ABCA7: variants seen among roughly 807,000 people sequenced by gnomAD.
ABCA7 encodes phospholipid-transporting ATPase ABCA7.
A neutral mutation model predicts 227.6 loss-of-function variants in ABCA7; 261 were observed. The observed-to-expected ratio is 1.15, with a 90% CI of 1.04 to 1.27. The LOEUF (loss-of-function observed/expected upper bound fraction) is 1.27, where lower values mean the gene tolerates loss of function less well. Ranked by LOEUF, ABCA7 falls within the 50% of genes most tolerant of loss-of-function variation. The pLI is 0.00. For missense variants in ABCA7, 3,331 were observed against 2,924.5 expected, an observed-to-expected ratio of 1.14 and a Z score of -3.21; for synonymous variants, 1,488 against 1,279.7, an observed-to-expected ratio of 1.16 and a Z score of -3.47.
Position 1,052,044 on chromosome 19 carries a change from C to T in ABCA7, c.3065C>T (p.Pro1022Leu). 1 of 1,612,330 alleles carries T rather than the reference C, an allele frequency of 6.2e-7. No individual in the cohort carries two copies. ...GGCCGCTTGTGCTGCTGTGGCTCCC[C>T]ACTCTTCCTGCGCCGTCACCTGGGC... ...AGGRLCCCGS[P>L]LFLRRHLGSG... The change falls in exon 22 of 47, where the codon CCA becomes CTA. Residue 1022 changes from proline (P) to leucine (L), a missense_variant. Coordinates refer to ENST00000263094, the MANE Select transcript of ABCA7 (RefSeq NM_019112.4).
Position 1,057,423 on chromosome 19 carries a change from T to C in ABCA7, c.4874T>C (p.Leu1625Pro). 2 of 1,613,700 alleles carry C rather than the reference T, an allele frequency of 1.2e-6. No individual in the cohort carries two copies. Among genetic ancestry groups the C allele is most frequent in the East Asian group, 4.5e-5 (2 of 44,876 alleles). The part of the protein sequence containing the change: ...NLPALLLLLL[L>P]YGWSITPLMY... ...CCTGCTCTCCTGCTGTTGCTACTAC[T>C]GTATGGGTGAGGCCCCCAGTCCCTC... Residue 1625 changes from leucine to proline, a missense_variant, in exon 35 of 47, where the codon CTG becomes CCG. Leu to Pro is a moderately conservative substitution (Grantham distance 98, BLOSUM62 -3). Transcript: ENST00000263094.
intron 7 of ABCA7, 91 bp from the exon 8 acceptor site, chr19:1,042,950 G>T: frequency 6.6e-7 from 1 of 1,515,700 alleles, no homozygotes; most frequent in Non-Finnish European, 8.9e-7. Context: ...TAGACAGCGA[G>T]AGGGAGAGGC....
intron 46 of ABCA7, 29 bp downstream of exon 46, chr19:1,065,200 G>C: frequency 6.3e-7 from 1 of 1,596,682 alleles, no homozygotes. Flanking sequence ...TCGGGCTGGG[G>C]GAGGCAGGCT....
Position 1,046,825 on chromosome 19 carries a change from C to T in ABCA7, c.1646C>T (p.Ser549Leu), listed in dbSNP as rs755052808. ...AGGTTCCTGCGTGTGCTGAGCCGGTCGCTGCCGCTCTTCCTGACGCTGGCC... is the reference window on the plus strand; with the variant it reads ...AGGTTCCTGCGTGTGCTGAGCCGGTTGCTGCCGCTCTTCCTGACGCTGGCC... ...DDVFLRVLSR[S>L]LPLFLTLAWI... Residue 549 changes from serine (S) to leucine (L), a missense_variant, in exon 14 of 47, where the codon TCG becomes TTG. Ser to Leu is a moderately radical substitution (Grantham distance 145). Coordinates refer to ENST00000263094, the MANE Select transcript of ABCA7 (RefSeq NM_019112.4). 1 of 1,538,940 alleles carries T rather than the reference C, an allele frequency of 6.5e-7. No individual in the cohort carries two copies. Among genetic ancestry groups the T allele is most frequent in the East Asian group, 2.4e-5 (1 of 41,164 alleles).
intron 21 of ABCA7, 109 bp from the exon 22 acceptor site, chr19:1,051,833 G>A (rs2041660103): frequency 2.1e-6 from 3 of 1,422,414 alleles, no homozygotes; most frequent in Admixed American, 1.9e-5. Context: ...AGGTTTTGAG[G>A]GATGAATAGG....
At chr19:1,048,496 C>CAAAAAAAAAAA (rs1234415864) in intron 16 of ABCA7, among the ~76,000 whole-genome samples, 4 of 21,624 alleles carry the variant, frequency 1.8e-4, no homozygotes, top group African/African-American at 5.6e-4. Flanking sequence ...AACTCAGTCT[C>CAAAAAAAAAAA]AAAAAAAAAA....
intron 10 of ABCA7, among the ~76,000 whole-genome samples, chr19:1,044,238 C>CTTT (rs4147941): frequency 0.019 from 1,324 of 69,686 alleles, 133 homozygotes; most frequent in African/African-American, 0.084. Context: ...CCACGTCCTG[C>CTTT]TTTTTTTTTT....
chr19:1,051,706 G>C (rs2041646862), intron 21 of ABCA7, 120 bp downstream of exon 21: 4 of 1,086,732 alleles, frequency 3.7e-6, no homozygotes, highest in Non-Finnish European at 5.2e-6. Flanking sequence ...TGTTGCTATG[G>C]CATTTAGGGG....
At chr19:1,042,293 C>A in intron 5 of ABCA7, 22 bp from the exon 6 acceptor site, 1 of 1,572,392 alleles carries the variant, frequency 6.4e-7, no homozygotes. Context: ...CAGCCCCATG[C>A]TCCCGTGCGC....
chr19:1,045,355 T>C (rs1449981608), intron 12 of ABCA7, 124 bp downstream of exon 12: 1 of 1,022,834 alleles, frequency 9.8e-7, no homozygotes. Context: ...GTATCAACAG[T>C]GGTATGGTAG....
intron 13 of ABCA7, 101 bp downstream of exon 13, chr19:1,046,507 G>T: frequency 6.8e-7 from 1 of 1,466,592 alleles, no homozygotes; most frequent in Non-Finnish European, 9.1e-7. Context: ...GGTCCAGGCT[G>T]CGAACTTTGC....
Position 1,056,513 on chromosome 19 carries a change from C to T in ABCA7, c.4586+14C>T, listed in dbSNP as rs2042266278. 6.2e-7 allele frequency: 1 copy of T among 1,605,616 alleles called. No individual in the cohort carries two copies. The highest frequency in any genetic ancestry group is 1.3e-5 in the African/African-American group (1 of 74,696). ...TGAGGGTGCACTGTGAGTCCCTCCA[C>T]CCTGCATGTCCTACCCTGCACGTCC... is the stretch of plus-strand genomic sequence containing the variant. On this transcript the variant is annotated intron_variant, in intron 33 of 46. Transcript: ENST00000263094. The surrounding 1 kb of genome is among the most constrained non-coding windows in gnomAD (Gnocchi z 4.3).
Position 1,042,814 on chromosome 19 carries a change from C to T in ABCA7, c.567C>T (p.Asp189=), listed in dbSNP as rs372489122. The part of the protein sequence containing the change: ...PLHSLLEAAE[D]LAQELLALRS... The stretch of plus-strand genomic sequence containing the variant: ...ACAGCTTGTTGGAGGCCGCTGAGGA[C>T]CTGGCCCAGGAGGTACGAGGCCCCA... Residue 189 remains aspartate, a synonymous_variant, in exon 7 of 47, where the codon GAC becomes GAT. Coordinates refer to ENST00000263094, the MANE Select transcript of ABCA7 (RefSeq NM_019112.4). 8.1e-6 allele frequency: 13 copies of T among 1,607,742 alleles called. No homozygotes were observed. In the African/African-American group the frequency reaches 1.3e-4, roughly 17 times the overall value.
chr19:1,043,374 C>T lies in ABCA7; in HGVS notation c.831C>T (p.His277=). 1 of 1,613,154 alleles carries T rather than the reference C, an allele frequency of 6.2e-7. No homozygotes were observed. Among genetic ancestry groups the T allele is most frequent in the Non-Finnish European group, 8.5e-7 (1 of 1,180,000 alleles). The change falls in exon 9 of 47, where the codon CAC becomes CAT. Residue 277 remains histidine, a synonymous_variant. Coordinates refer to ENST00000263094, the MANE Select transcript of ABCA7 (RefSeq NM_019112.4). ...CSELIGALDS[H]PLSRLLWRRL... ...AGCTGATTGGAGCCCTGGACAGCCA[C>T]CCGCTGTCCCGCCTGCTCTGGAGAC... is the stretch of plus-strand genomic sequence containing the variant.
At position 1,063,853 on chromosome 19, in the gene ABCA7, A is replaced by G; in HGVS notation, c.5941A>G (p.Thr1981Ala). The G allele has an allele frequency of 6.5e-7, 1 of 1,535,542 alleles. No individual in the cohort carries two copies. Among genetic ancestry groups the G allele is most frequent in the Non-Finnish European group, 8.8e-7 (1 of 1,141,550 alleles). The change falls in exon 44 of 47, where the codon ACC (threonine) becomes GCC (alanine). Residue 1981 changes from threonine to alanine, a missense_variant. Coordinates refer to ENST00000263094, the MANE Select transcript of ABCA7 (RefSeq NM_019112.4). ...VVREGRSVML[T>A]SHSMEECEAL... Reference sequence around the variant, plus strand: ...GCGGGAGGGCCGTTCAGTGATGCTCACCTCCCATAGGTGGGCCGGGCTCTG... The same window carrying G: ...GCGGGAGGGCCGTTCAGTGATGCTCGCCTCCCATAGGTGGGCCGGGCTCTG...
rs200581085 is a variant in ABCA7 at position 1,062,250 on chromosome 19, G to T, written c.5649G>T (p.Thr1883=). Residue 1883 remains threonine, a synonymous_variant, in exon 42 of 47, where the codon ACG becomes ACT. Coordinates refer to ENST00000263094, the MANE Select transcript of ABCA7 (RefSeq NM_019112.4). The part of the protein sequence containing the change: ...PQSDAIFELL[T]GREHLELLAR... ...CCGATGCCATCTTTGAGCTGCTGAC[G>T]GGCCGCGAGCACCTGGAGCTGCTTG... is the stretch of plus-strand genomic sequence containing the variant. 6.2e-7 allele frequency: 1 copy of T among 1,611,772 alleles called. No homozygotes were observed. Among genetic ancestry groups the T allele is most frequent in the South Asian group, 1.1e-5 (1 of 91,090 alleles).
Position 1,051,481 on chromosome 19 carries a change from G to A in ABCA7, c.2857G>A (p.Ala953Thr). Residue 953 changes from alanine to threonine, a missense_variant, in exon 21 of 47, where the codon GCC becomes ACC. Coordinates refer to ENST00000263094, the MANE Select transcript of ABCA7 (RefSeq NM_019112.4). ...GMQRKLSVAI[A>T]FVGGSQVVIL... is the part of the protein sequence containing the mutation. ...GCAACGGAAGCTGTCCGTGGCCATT[G>A]CCTTTGTGGGCGGCTCCCAAGTTGT... is the stretch of plus-strand genomic sequence containing the variant. The A allele has an allele frequency of 6.2e-7, 1 of 1,612,602 alleles. No individual in the cohort carries two copies. Among genetic ancestry groups the A allele is most frequent in the African/African-American group, 1.3e-5 (1 of 75,060 alleles).
In ABCA7 at chr19:1,065,471, G is replaced by A; in HGVS notation, c.*46G>A. 6.2e-7 allele frequency: 1 copy of A among 1,605,216 alleles called. No individual in the cohort carries two copies. Among genetic ancestry groups the A allele is most frequent in the South Asian group, 1.1e-5 (1 of 90,728 alleles). ...CGCGGGGAGGCCCTGGGAATGGCAA[G>A]GGCAAGGTAGAGTGCCTAGGAGCCC... On this transcript the variant is annotated 3_prime_UTR_variant, in exon 47 of 47. Coordinates refer to ENST00000263094, the MANE Select transcript of ABCA7 (RefSeq NM_019112.4).
chr19:1,054,902 C>A lies in ABCA7; in HGVS notation c.3950+24C>A. 6.5e-7 allele frequency: 1 copy of A among 1,548,844 alleles called. No homozygotes were observed. The highest frequency in any genetic ancestry group is 1.2e-5 in the South Asian group (1 of 85,702). Reference sequence around the variant, plus strand: ...AGGTGAGGCGTCTTGTTGGCCTGGACCTTTCCCCTCTCTGGCCTCAGTTTT... The same window carrying A: ...AGGTGAGGCGTCTTGTTGGCCTGGAACTTTCCCCTCTCTGGCCTCAGTTTT... On this transcript the variant is annotated intron_variant, in intron 29 of 46. Coordinates refer to ENST00000263094, the MANE Select transcript of ABCA7 (RefSeq NM_019112.4). This position sits in a 1 kb window ranked among gnomAD's most constrained non-coding sequence, Gnocchi z 4.8.
Sources: gnomAD v4.1 joint callset for allele counts (sites outside exome capture counted in the v4.1 genomes callset) on GRCh38, gnomAD v4.1.1 for gene constraint, Gnocchi (gnomAD v3.1) non-coding constraint, MANE v1.5 for transcripts, NCBI Gene and HGNC (gene_info 2026-07-23, HGNC 2026-07-21) for gene names.